The following NAALADL2 variants were observed in gnomAD, a reference collection of about 807,000 sequenced individuals.
NAALADL2 encodes the protein inactive N-acetylated-alpha-linked acidic dipeptidase-like protein 2.
NAALADL2 carries 76 observed loss-of-function variants against 87.2 expected under a neutral mutation model. That is an observed-to-expected ratio of 0.87 (90% CI 0.72 to 1.05). The LOEUF (loss-of-function observed/expected upper bound fraction) is 1.05. NAALADL2 is among the 50% of genes least tolerant of loss of function. The probability of loss-of-function intolerance (pLI) is 0.00; values close to 1 mark genes in which losing one functional copy is unlikely to be tolerated. For missense variants in NAALADL2, 1,089 were observed against 945.8 expected (o/e 1.15, Z -1.99); for synonymous variants, 354 against 331.0 (o/e 1.07, Z -0.75).
intron 2 of NAALADL2, among the ~76,000 whole-genome samples, chr3:175,151,885 C>T (rs1395833599): frequency 6.6e-6 from 1 of 152,102 alleles, no homozygotes; most frequent in African/African-American, 2.4e-5. Flanking sequence ...CTTCTAGATA[C>T]ATCATCAGTG....
At chr3:175,334,692 C>T (rs1252128895) in intron 5 of NAALADL2, among the ~76,000 whole-genome samples, 2 of 152,182 alleles carry the variant, frequency 1.3e-5, no homozygotes, top group Non-Finnish European at 2.9e-5. Flanking sequence ...TTCTTAGAGA[C>T]TGACAATGGT....
At chr3:175,796,480 A>C (rs765879118) in intron 13 of NAALADL2, among the ~76,000 whole-genome samples, 11 of 152,204 alleles carry the variant, frequency 7.2e-5, no homozygotes, top group Non-Finnish European at 1.3e-4. Context: ...GCTAGTATAG[A>C]ACAAATTCAA....
At chr3:175,165,011 C>T (rs1185010820) in intron 2 of NAALADL2, among the ~76,000 whole-genome samples, 1 of 152,162 alleles carries the variant, frequency 6.6e-6, no homozygotes, top group Admixed American at 6.6e-5. Context: ...ATCTACTGCA[C>T]ACCGCTCTGG....
At chr3:175,443,636 T>C (rs918398874) in intron 5 of NAALADL2, among the ~76,000 whole-genome samples, 3 of 152,274 alleles carry the variant, frequency 2.0e-5, no homozygotes, top group African/African-American at 7.2e-5. Context: ...CAGAAAACCA[T>C]TAAGACATAG....
intron 3 of NAALADL2, among the ~76,000 whole-genome samples, chr3:174,756,325 A>C (rs1371918746): frequency 6.6e-6 from 1 of 152,128 alleles, no homozygotes; most frequent in Admixed American, 6.5e-5. Context: ...TTTGCTCTCA[A>C]ATGTGCTTTT....
chr3:175,433,906 A>G (rs183987999), intron 5 of NAALADL2, among the ~76,000 whole-genome samples: 1 of 152,118 alleles, frequency 6.6e-6, no homozygotes, highest in East Asian at 1.9e-4. Flanking sequence ...TGAAATGATG[A>G]ATCTGTGTCT....
At chr3:174,778,378 A>G (rs1715477657) in intron 3 of NAALADL2, among the ~76,000 whole-genome samples, 1 of 152,092 alleles carries the variant, frequency 6.6e-6, no homozygotes, top group African/African-American at 2.4e-5. Context: ...CATTTCAAGA[A>G]CTAGTACAAA....
intron 2 of NAALADL2, among the ~76,000 whole-genome samples, chr3:174,707,940 T>C (rs920731468): frequency 6.6e-6 from 1 of 152,190 alleles, no homozygotes; most frequent in African/African-American, 2.4e-5. Context: ...AATAGTTTTA[T>C]AAACATGGAT....
At chr3:175,562,433 A>C (rs976022940) in intron 9 of NAALADL2, among the ~76,000 whole-genome samples, 1 of 152,000 alleles carries the variant, frequency 6.6e-6, no homozygotes, top group South Asian at 2.1e-4. Context: ...ACATATTTTT[A>C]AATGTTAGAT....
intron 5 of NAALADL2, among the ~76,000 whole-genome samples, chr3:175,441,370 A>G (rs1378038390): frequency 6.6e-6 from 1 of 152,144 alleles, no homozygotes; most frequent in Admixed American, 6.6e-5. Context: ...ATACTAGGCC[A>G]GTTTATTTAA....
At chr3:174,644,909 T>C (rs73882470) in intron 2 of NAALADL2, among the ~76,000 whole-genome samples, 2 of 152,202 alleles carry the variant, frequency 1.3e-5, no homozygotes, top group African/African-American at 4.8e-5. Flanking sequence ...TGTTTAAAAA[T>C]TATTATTTCT....
At chr3:174,964,323 T>C (rs1742563436) in intron 1 of NAALADL2, among the ~76,000 whole-genome samples, 1 of 152,028 alleles carries the variant, frequency 6.6e-6, no homozygotes, top group Admixed American at 6.6e-5. Context: ...CATGCTAAAT[T>C]TAAGAAGCCT....
intron 1 of NAALADL2, among the ~76,000 whole-genome samples, chr3:174,966,537 C>A (rs1031288640): frequency 3.9e-5 from 6 of 152,008 alleles, no homozygotes; most frequent in African/African-American, 1.4e-4. Context: ...AATCTCTTGA[C>A]TTCGATGTAA....
At chr3:175,636,003 C>G (rs550428687) in intron 11 of NAALADL2, among the ~76,000 whole-genome samples, 1 of 152,072 alleles carries the variant, frequency 6.6e-6, no homozygotes, top group African/African-American at 2.4e-5. Flanking sequence ...GACCCTGTTA[C>G]GACAGTTTAA....
At chr3:175,787,023 T>G (rs547644236) in intron 13 of NAALADL2, among the ~76,000 whole-genome samples, 1 of 150,828 alleles carries the variant, frequency 6.6e-6, no homozygotes, top group Non-Finnish European at 1.5e-5. Flanking sequence ...TTAGGCTGCT[T>G]GTTGGTCAGG....
chr3:175,272,997 C>T (rs1045376606), intron 4 of NAALADL2, among the ~76,000 whole-genome samples: 24 of 151,894 alleles, frequency 1.6e-4, no homozygotes, highest in African/African-American at 5.8e-4. Flanking sequence ...ATAAAAGGAA[C>T]AAAATCCGAT....
intron 2 of NAALADL2, among the ~76,000 whole-genome samples, chr3:174,614,446 G>A (rs13318720): frequency 0.017 from 2,553 of 152,202 alleles, 86 homozygotes; most frequent in African/African-American, 0.057. Flanking sequence ...AGTTGAGTTC[G>A]GTCTAGTTTT....
intron 3 of NAALADL2, among the ~76,000 whole-genome samples, chr3:174,754,336 A>G (rs1337309776): frequency 6.6e-6 from 1 of 152,190 alleles, no homozygotes; most frequent in Non-Finnish European, 1.5e-5. Context: ...AAAATATTTT[A>G]TGGTTTAAAT....
intron 1 of NAALADL2, among the ~76,000 whole-genome samples, chr3:175,056,086 G>A (rs911770131): frequency 3.1e-4 from 47 of 152,146 alleles, no homozygotes; most frequent in African/African-American, 1.0e-3. Flanking sequence ...GGTGCTGCTC[G>A]AATAGTCACT....
Sources: gnomAD v4.1 joint callset for allele counts (sites outside exome capture counted in the v4.1 genomes callset) on GRCh38, gnomAD v4.1.1 for gene constraint, MANE v1.5 for transcripts, NCBI Gene and HGNC (gene_info 2026-07-23, HGNC 2026-07-21) for gene names.